The following GABRB1 variants were observed in gnomAD, a reference collection of about 807,000 sequenced individuals.
GABRB1 encodes gamma-aminobutyric acid type A receptor subunit beta1, also known as gamma-aminobutyric acid receptor subunit beta-1.
In GABRB1, 17 loss-of-function variants were observed where a neutral mutation model predicts 51.6. That is an observed-to-expected ratio of 0.33 (90% CI 0.23 to 0.49). GABRB1 has a LOEUF of 0.49. Among genes scored for constraint, GABRB1 ranks in the 20% least tolerant of loss-of-function variants. The pLI is 0.99. For missense variants in GABRB1, 410 were observed against 600.6 expected (o/e 0.68, Z 3.32); for synonymous variants, 247 against 218.9 (o/e 1.13, Z -1.14).
intron 8 of GABRB1, among the ~76,000 whole-genome samples, chr4:47,407,617 A>G (rs1236447368): frequency 6.6e-6 from 1 of 152,222 alleles, no homozygotes; most frequent in African/African-American, 2.4e-5. Context: ...TCAAATGTGT[A>G]TCTACCACAA....
chr4:47,156,739 G>T (rs538581810), intron 3 of GABRB1, among the ~76,000 whole-genome samples: 41 of 152,030 alleles, frequency 2.7e-4, no homozygotes, highest in African/African-American at 7.7e-4. Context: ...GGGACCGAGG[G>T]GGGGCAGATC....
chr4:47,358,728 A>G (rs143624517), intron 5 of GABRB1, among the ~76,000 whole-genome samples: 177 of 152,318 alleles, frequency 1.2e-3, no homozygotes, highest in African/African-American at 4.0e-3. Flanking sequence ...GAACTCCAAC[A>G]TATGAATTTA....
intron 4 of GABRB1, among the ~76,000 whole-genome samples, chr4:47,168,984 G>A (rs1382832928): frequency 6.6e-6 from 1 of 151,918 alleles, no homozygotes; most frequent in African/African-American, 2.4e-5. Flanking sequence ...AAGGACACCA[G>A]CCATCACCAG....
chr4:47,248,826 C>T (rs11733855), intron 4 of GABRB1, among the ~76,000 whole-genome samples: 32,378 of 151,706 alleles, frequency 0.21, 3,661 homozygotes, highest in African/African-American at 0.27. Flanking sequence ...ATTGGTCTTT[C>T]GTATTGCAGT....
At chr4:47,177,551 C>CT (rs1718751192) in intron 4 of GABRB1, among the ~76,000 whole-genome samples, 1 of 152,044 alleles carries the variant, frequency 6.6e-6, no homozygotes, top group African/African-American at 2.4e-5. Context: ...AATGTTCACT[C>CT]TAAAGAAATT....
At chr4:47,261,202 C>A (rs1414612888) in intron 4 of GABRB1, among the ~76,000 whole-genome samples, 1 of 152,042 alleles carries the variant, frequency 6.6e-6, no homozygotes, top group Non-Finnish European at 1.5e-5. Flanking sequence ...CTGGCCAGGG[C>A]AATTAGGCAG....
intron 1 of GABRB1, among the ~76,000 whole-genome samples, chr4:47,016,797 C>T (rs1724758739): frequency 6.6e-6 from 1 of 152,026 alleles, no homozygotes; most frequent in Admixed American, 6.6e-5. Flanking sequence ...ACCTTATGGG[C>T]CAGGCTGGTC....
chr4:47,202,600 C>A (rs907212785), intron 4 of GABRB1, among the ~76,000 whole-genome samples: 3 of 152,058 alleles, frequency 2.0e-5, no homozygotes, highest in African/African-American at 7.2e-5. Context: ...AGCAAGAGAA[C>A]AATTGAAATA....
At chr4:47,226,094 A>G (rs573477985) in intron 4 of GABRB1, among the ~76,000 whole-genome samples, 17 of 152,268 alleles carry the variant, frequency 1.1e-4, no homozygotes, top group Non-Finnish European at 1.6e-4. Context: ...AGTTCTAGGT[A>G]TTGTGAATAC....
chr4:47,098,945 GA>G (rs1371888091), intron 3 of GABRB1, among the ~76,000 whole-genome samples: 3 of 151,976 alleles, frequency 2.0e-5, no homozygotes, highest in Non-Finnish European at 2.9e-5. Context: ...TTATTGAAAA[GA>G]TGTTATTCTT....
chr4:47,414,893 C>A (rs895216149), intron 8 of GABRB1, among the ~76,000 whole-genome samples: 3 of 152,156 alleles, frequency 2.0e-5, no homozygotes, highest in African/African-American at 7.2e-5. Flanking sequence ...AGCCTTTGAG[C>A]CTGGGCCTTC....
intron 8 of GABRB1, among the ~76,000 whole-genome samples, chr4:47,419,482 G>C (rs1729030860): frequency 6.6e-6 from 1 of 152,212 alleles, no homozygotes. Flanking sequence ...CTGTTGGAAA[G>C]GGCACTGATA....
At chr4:47,346,192 C>A (rs536589201) in intron 5 of GABRB1, among the ~76,000 whole-genome samples, 2 of 152,272 alleles carry the variant, frequency 1.3e-5, no homozygotes, top group East Asian at 3.9e-4. Flanking sequence ...GAGAGTAAGG[C>A]ATTGGAAGGA....
chr4:47,422,992 G>T (rs1487805430), intron 8 of GABRB1, among the ~76,000 whole-genome samples: 1 of 151,800 alleles, frequency 6.6e-6, no homozygotes, highest in Non-Finnish European at 1.5e-5. Flanking sequence ...TTTTCTTTCT[G>T]CTACATTGTC....
intron 4 of GABRB1, among the ~76,000 whole-genome samples, chr4:47,217,596 C>T (rs989099841): frequency 1.3e-5 from 2 of 151,774 alleles, no homozygotes; most frequent in African/African-American, 4.8e-5. Context: ...GTCATCAAAT[C>T]ATAGGATTAT....
intron 3 of GABRB1, among the ~76,000 whole-genome samples, chr4:47,070,037 T>C (rs1424332256): frequency 5.3e-5 from 8 of 151,614 alleles, no homozygotes; most frequent in Non-Finnish European, 7.4e-5. Flanking sequence ...TTTTTTTTTT[T>C]CTTTTCTTTT....
intron 1 of GABRB1, among the ~76,000 whole-genome samples, chr4:46,994,638 T>C (rs1313644114): frequency 1.3e-5 from 2 of 152,180 alleles, no homozygotes; most frequent in Non-Finnish European, 2.9e-5. Flanking sequence ...GCTCCATATC[T>C]TTACTGTTTT....
chr4:47,004,178 G>A (rs763976263), intron 1 of GABRB1, among the ~76,000 whole-genome samples: 4 of 152,112 alleles, frequency 2.6e-5, no homozygotes, highest in Admixed American at 2.0e-4. Flanking sequence ...TAGTAGAGAC[G>A]GGGTTTCACC....
intron 1 of GABRB1, among the ~76,000 whole-genome samples, chr4:47,000,835 A>T (rs1724156929): frequency 1.3e-5 from 2 of 152,162 alleles, no homozygotes; most frequent in Admixed American, 6.5e-5. Context: ...GAAGCTGAAG[A>T]CTTCTTATGA....
Sources: gnomAD v4.1 joint callset for allele counts (sites outside exome capture counted in the v4.1 genomes callset) on GRCh38, gnomAD v4.1.1 for gene constraint, MANE v1.5 for transcripts, NCBI Gene and HGNC (gene_info 2026-07-23, HGNC 2026-07-21) for gene names.